QSER1: variants seen among roughly 807,000 people sequenced by gnomAD.
QSER1 encodes glutamine and serine rich 1.
Under a neutral mutation model 158.5 loss-of-function variants are expected in QSER1, and 49 were observed. The ratio of observed to expected loss-of-function variants is 0.31; its 90% CI spans 0.25 to 0.39. The LOEUF (loss-of-function observed/expected upper bound fraction) is 0.39, where lower values mean the gene tolerates loss of function less well. Ranked by LOEUF, QSER1 falls within the 10% of genes least tolerant of loss-of-function variation. The pLI, the probability that QSER1 is intolerant of heterozygous loss-of-function variation, is 1.00. For missense variants in QSER1, 1,754 were observed against 2,010.3 expected, an observed-to-expected ratio of 0.87 and a Z score of 2.44; for synonymous variants, 650 against 715.5, an observed-to-expected ratio of 0.91 and a Z score of 1.46.
At chr11:32,896,932 C>T (rs926937905) in intron 1 of QSER1, among the ~76,000 whole-genome samples, 1 of 152,030 alleles carries the variant, frequency 6.6e-6, no homozygotes, top group Non-Finnish European at 1.5e-5. Flanking sequence ...ATTTGTAAGG[C>T]GTAAGAACAA....
chr11:32,901,690 T>C (rs922973450), intron 1 of QSER1, among the ~76,000 whole-genome samples: 5 of 152,158 alleles, frequency 3.3e-5, no homozygotes, highest in East Asian at 1.9e-4. Flanking sequence ...GTGTGGTTCA[T>C]TGGGGAGCTC....
chr11:32,950,962 A>C (rs147812659), intron 4 of QSER1, among the ~76,000 whole-genome samples: 26 of 152,306 alleles, frequency 1.7e-4, no homozygotes, highest in African/African-American at 4.8e-4. Flanking sequence ...ATTCATTTAC[A>C]GATTTTTGTA....
intron 4 of QSER1, among the ~76,000 whole-genome samples, chr11:32,943,183 G>A (rs1431056220): frequency 1.3e-5 from 2 of 152,096 alleles, no homozygotes; most frequent in Non-Finnish European, 2.9e-5. Context: ...CTGCAAACAG[G>A]GACAATTTGA....
chr11:32,941,144 T>G (rs920308439), intron 4 of QSER1, among the ~76,000 whole-genome samples: 6 of 151,722 alleles, frequency 4.0e-5, no homozygotes, highest in African/African-American at 1.4e-4. Flanking sequence ...AGTTTTGATT[T>G]CCTTTTTAGC....
chr11:32,916,832 G>C (rs1331735161), intron 1 of QSER1, among the ~76,000 whole-genome samples: 4 of 151,338 alleles, frequency 2.6e-5, no homozygotes, highest in African/African-American at 9.7e-5. Context: ...TGTTGCCCAG[G>C]CTGGAGTGCA....
chr11:32,945,512 G>A (rs372596201), intron 4 of QSER1, among the ~76,000 whole-genome samples: 62 of 152,052 alleles, frequency 4.1e-4, no homozygotes, highest in African/African-American at 1.4e-3. Context: ...GTTTGGCTGG[G>A]TATGAAATTC....
rs745861532 is a variant in QSER1 at position 32,934,770 on chromosome 11, C to T, written c.3512C>T (p.Ala1171Val). Reference sequence around the variant, plus strand: ...GTGTCAATGAACCCAGCTAGGAGTGCACTTGCACTGTTGGCCATGGCCCAA... The same window carrying T: ...GTGTCAATGAACCCAGCTAGGAGTGTACTTGCACTGTTGGCCATGGCCCAA... ...SGVSMNPARS[A>V]LALLAMAQSG... The change falls in exon 4 of 13, where the codon GCA becomes GTA. Residue 1171 changes from alanine (A) to valine (V), a missense_variant. Ala to Val is a moderately conservative substitution (Grantham distance 64). This residue lies in a region of QSER1 where 1,707 missense variants were observed against 1,919.6 expected (regional missense o/e 0.89). Transcript: ENST00000650167. The T allele has an allele frequency of 1.2e-5, 19 of 1,613,860 alleles. No individual in the cohort carries two copies. In the East Asian group the frequency reaches 2.0e-4, roughly 17 times the overall value.
At chr11:32,975,445 GT>G in intron 12 of QSER1, 102 bp downstream of exon 12, 1 of 1,541,110 alleles carries the variant, frequency 6.5e-7, no homozygotes, top group Non-Finnish European at 8.8e-7. Flanking sequence ...TGAAATACAT[GT>G]GTGTATGTAT....
chr11:32,921,903 C>T (rs994226676), intron 1 of QSER1, among the ~76,000 whole-genome samples: 1 of 152,106 alleles, frequency 6.6e-6, no homozygotes, highest in Non-Finnish European at 1.5e-5. Context: ...TTTATATGAA[C>T]AGACATTGGT....
intron 10 of QSER1, among the ~76,000 whole-genome samples, chr11:32,972,073 A>C (rs569372211): frequency 0.02 from 3,042 of 151,852 alleles, 52 homozygotes; most frequent in South Asian, 0.039. Context: ...AAAAAAAAAA[A>C]AAAACAAAAC....
chr11:32,952,619 G>T (rs890036403), intron 4 of QSER1, among the ~76,000 whole-genome samples: 4 of 152,138 alleles, frequency 2.6e-5, no homozygotes, highest in African/African-American at 9.7e-5. Context: ...CTCACAGAAT[G>T]AGTTGGGAAG....
rs1852467140 is a variant in QSER1 at position 32,953,934 on chromosome 11, G to A, written c.4255G>A (p.Ala1419Thr). The A allele has an allele frequency of 6.2e-7, 1 of 1,614,062 alleles. No individual in the cohort carries two copies. Among genetic ancestry groups the A allele is most frequent in the South Asian group, 1.1e-5 (1 of 91,090 alleles). ...TACTACTTCCTCAACCACTGTGGGTGCAGTTAAGCAAGAACCTCTCCACTC... is the reference window on the plus strand; with the variant it reads ...TACTACTTCCTCAACCACTGTGGGTACAGTTAAGCAAGAACCTCTCCACTC... The part of the protein sequence containing the change: ...TATTSSTTVG[A>T]VKQEPLHSTS... The change falls in exon 5 of 13, where the codon GCA becomes ACA. Residue 1419 changes from alanine to threonine, a missense_variant. Ala to Thr is a moderately conservative substitution (Grantham distance 58). Transcript: ENST00000650167.
chr11:32,957,813 T>G (rs1250976799), intron 7 of QSER1, 56 bp from the exon 8 acceptor site: 3 of 1,353,068 alleles, frequency 2.2e-6, no homozygotes, highest in Non-Finnish European at 3.1e-6. Flanking sequence ...TTTTCTATTT[T>G]ATTTTAGTTT....
intron 3 of QSER1, among the ~76,000 whole-genome samples, chr11:32,928,485 G>C (rs548676246): frequency 6.6e-6 from 1 of 151,896 alleles, no homozygotes; most frequent in African/African-American, 2.4e-5. Flanking sequence ...AAAAATCTTG[G>C]GACTCATTTC....
At chr11:32,974,425 CAAA>C (rs34050306) in intron 11 of QSER1, among the ~76,000 whole-genome samples, 4 of 91,836 alleles carry the variant, frequency 4.4e-5, no homozygotes, top group African/African-American at 3.7e-5. Context: ...GACACTGTCT[CAAA>C]AAAAAAAAAA....
rs968045418 is a variant in QSER1, at chr11:32,893,867, A to G, written c.209+533A>G. Among the ~76,000 whole-genome samples the G allele has an allele frequency of 1.4e-4, 21 of 152,326 alleles. No individual in the cohort carries two copies. The highest frequency in any genetic ancestry group is 5.8e-4 in the East Asian group (3 of 5,178). On this transcript the variant is annotated intron_variant, in intron 1 of 12. Transcript: ENST00000650167. The surrounding 1 kb of genome is among the most constrained non-coding windows in gnomAD (Gnocchi z 4.7). The stretch of plus-strand genomic sequence containing the variant: ...GGCTACGGGAGAATCCCCGGGGCGC[A>G]GGGCAGAAGAGGGGGCCCGGCAGGG...
chr11:32,931,278 T>C (rs1462676537), intron 3 of QSER1, among the ~76,000 whole-genome samples: 1 of 152,166 alleles, frequency 6.6e-6, no homozygotes, highest in Non-Finnish European at 1.5e-5. Context: ...ACTTCATTTT[T>C]ACTCTATGAA....
chr11:32,960,671 G>C (rs999412780), intron 8 of QSER1, among the ~76,000 whole-genome samples: 17 of 152,342 alleles, frequency 1.1e-4, no homozygotes, highest in African/African-American at 3.6e-4. Flanking sequence ...CTTGCCTACT[G>C]CTTAGAATCA....
intron 4 of QSER1, among the ~76,000 whole-genome samples, chr11:32,953,496 G>T (rs1349116222): frequency 6.6e-6 from 1 of 152,060 alleles, no homozygotes; most frequent in Non-Finnish European, 1.5e-5. Flanking sequence ...TGAGACTACA[G>T]GCACACAACA....
Sources: allele counts gnomAD v4.1 joint callset (sites outside exome capture counted in the v4.1 genomes callset), GRCh38; gene constraint gnomAD v4.1.1; regional missense constraint gnomAD v4.1.1; non-coding constraint Gnocchi (gnomAD v3.1); transcripts MANE v1.5; gene names NCBI Gene and HGNC (gene_info 2026-07-23, HGNC 2026-07-21).